FZD3: variants seen among roughly 807,000 people sequenced by gnomAD.
The protein encoded by FZD3 is frizzled-3.
In FZD3, 30 loss-of-function variants were observed where a neutral mutation model predicts 60.7. The observed-to-expected ratio is 0.49, with a 90% confidence interval of 0.37 to 0.67. FZD3 has a LOEUF of 0.67. FZD3 is among the 30% of genes least tolerant of loss of function. FZD3 has a pLI of 0.00. For missense variants in FZD3, 605 were observed against 838.7 expected (o/e 0.72, Z 3.44); for synonymous variants, 246 against 275.2 (o/e 0.89, Z 1.05).
intron 7 of FZD3, among the ~76,000 whole-genome samples, chr8:28,557,388 A>T (rs1323633340): frequency 6.6e-6 from 1 of 151,716 alleles, no homozygotes; most frequent in African/African-American, 2.4e-5. Context: ...TGTTCACTTG[A>T]AAACATCTGT....
intron 5 of FZD3, among the ~76,000 whole-genome samples, chr8:28,528,430 A>T (rs1031574193): frequency 1.8e-4 from 27 of 151,108 alleles, no homozygotes; most frequent in African/African-American, 6.1e-4. Flanking sequence ...TTTTTTTTCC[A>T]GAAGTGTGCA....
chr8:28,523,154 T>C (rs1804629309), intron 4 of FZD3, among the ~76,000 whole-genome samples: 1 of 152,194 alleles, frequency 6.6e-6, no homozygotes, highest in Non-Finnish European at 1.5e-5. Flanking sequence ...CTTGGTTCAT[T>C]TGTGCTGCTA....
intron 1 of FZD3, among the ~76,000 whole-genome samples, chr8:28,499,572 T>G (rs1053351913): frequency 2.6e-5 from 4 of 152,164 alleles, no homozygotes; most frequent in African/African-American, 9.7e-5. Context: ...TAAGGGCTTT[T>G]GATATAAGTA....
intron 6 of FZD3, among the ~76,000 whole-genome samples, chr8:28,554,502 T>G (rs1288948581): frequency 6.6e-6 from 1 of 152,212 alleles, no homozygotes; most frequent in Non-Finnish European, 1.5e-5. Flanking sequence ...GATTAGCCTC[T>G]AAGACTTTAA....
At position 28,520,832 on chromosome 8, in the gene FZD3, T is replaced by A; in HGVS notation, c.384T>A (p.Ser128Arg). 1 of 1,572,974 alleles carries A rather than the reference T, an allele frequency of 6.4e-7. No individual in the cohort carries two copies. The highest frequency in any genetic ancestry group is 8.7e-7 in the Non-Finnish European group (1 of 1,154,162). ...CTTGGCCTGAAGATATGGAATGCAG[T>A]AGGTGCGAAAATCATAGATTTTCAT... Reference protein sequence around the residue: ...GVPWPEDMECSRFPDCDEPYP... With the variant: ...GVPWPEDMECRRFPDCDEPYP... The change falls in exon 4 of 8, where the codon AGT becomes AGA. Residue 128 changes from serine to arginine, a missense_variant and splice_region_variant. Transcript: ENST00000240093.
chr8:28,529,522 G>T lies in FZD3; in HGVS notation c.1404+1358G>T, dbSNP rs552877034. Among the ~76,000 whole-genome samples, 4 of 152,214 alleles carry T rather than the reference G, an allele frequency of 2.6e-5. No homozygotes were observed. In the South Asian group the frequency reaches 8.3e-4, roughly 32 times the overall value. ...ATATTGTGGGTATATTGCTTGAGAA[G>T]AGGGGACATTTTTAAGACATGGTAA... is the stretch of plus-strand genomic sequence containing the variant. On this transcript the variant is annotated intron_variant, in intron 5 of 7. Coordinates refer to ENST00000240093, the MANE Select transcript of FZD3 (RefSeq NM_017412.4).
At chr8:28,535,161 A>C (rs191277695) in intron 5 of FZD3, among the ~76,000 whole-genome samples, 10 of 152,338 alleles carry the variant, frequency 6.6e-5, no homozygotes, top group African/African-American at 2.2e-4. Flanking sequence ...AATTTGAAGA[A>C]AAATTGGCTG....
rs143267916 is a variant in FZD3, at chr8:28,535,288, G to A, written c.1404+7124G>A. Among the ~76,000 whole-genome samples the A allele has an allele frequency of 8.5e-5, 13 of 152,148 alleles. No individual in the cohort carries two copies. The East Asian group carries it at 2.5e-3, about 29-fold the overall frequency. ...ACAGTTTTAGATTGACAGAAAAATT[G>A]TGATGATAACACAGTGAGTTCCCAT... On this transcript the variant is annotated intron_variant, in intron 5 of 7. Transcript: ENST00000240093.
chr8:28,510,789 C>A lies in FZD3; in HGVS notation c.189+7587C>A, dbSNP rs576880055. On this transcript the variant is annotated intron_variant, in intron 3 of 7. Transcript: ENST00000240093. ...CGGTGGCTCAGGCCTATAATCTGAG[C>A]ACTTTGGGAGGCCGAGGCGGGCGGA... Among the ~76,000 whole-genome samples, 5 of 152,072 alleles carry A rather than the reference C, an allele frequency of 3.3e-5. No homozygotes were observed. In the South Asian group the frequency reaches 8.3e-4, roughly 25 times the overall value.
At chr8:28,522,224 C>T (rs1260679428) in intron 4 of FZD3, among the ~76,000 whole-genome samples, 1 of 150,594 alleles carries the variant, frequency 6.6e-6, no homozygotes, top group Admixed American at 6.6e-5. Flanking sequence ...CCTGCCTTAG[C>T]CTCATGGATA....
chr8:28,530,735 G>C (rs989237529), intron 5 of FZD3, among the ~76,000 whole-genome samples: 3 of 151,926 alleles, frequency 2.0e-5, no homozygotes, highest in Admixed American at 6.6e-5. Flanking sequence ...AACCATCATC[G>C]TGAATTTGGA....
chr8:28,531,309 T>G (rs995088904), intron 5 of FZD3, among the ~76,000 whole-genome samples: 1 of 152,204 alleles, frequency 6.6e-6, no homozygotes, highest in Non-Finnish European at 1.5e-5. Flanking sequence ...TTTTATGTTT[T>G]TGAGAATATA....
rs981243562 is a variant in FZD3 at position 28,568,775 on chromosome 8, G to T, written c.*5764G>T. 1 of 152,094 alleles carries T rather than the reference G, an allele frequency of 6.6e-6. No homozygotes were observed. Among genetic ancestry groups the T allele is most frequent in the Non-Finnish European group, 1.5e-5 (1 of 67,974 alleles). 9.4% of individuals were successfully genotyped at this position (152,094 alleles called of 1,614,324 possible). A position where few individuals can be genotyped will look rare whatever the true frequency, so the allele number is the denominator to read the frequency against. On this transcript the variant is annotated 3_prime_UTR_variant, in exon 8 of 8. Coordinates refer to ENST00000240093, the MANE Select transcript of FZD3 (RefSeq NM_017412.4). ...TACTTACTTCCTATAAGACACAGTA[G>T]TTCAATCTGTTGAAAGGCATTGAAG...
intron 1 of FZD3, among the ~76,000 whole-genome samples, chr8:28,497,888 A>G (rs1310342484): frequency 6.6e-6 from 1 of 152,188 alleles, no homozygotes; most frequent in Non-Finnish European, 1.5e-5. Flanking sequence ...CAGCCCGGGA[A>G]GACAGTCTTC....
chr8:28,509,627 G>A (rs574439421), intron 3 of FZD3, among the ~76,000 whole-genome samples: 40 of 151,932 alleles, frequency 2.6e-4, no homozygotes, highest in African/African-American at 9.7e-4. Flanking sequence ...GGCAACTACC[G>A]TTTTACTTTC....
intron 3 of FZD3, among the ~76,000 whole-genome samples, chr8:28,519,541 G>A (rs961228714): frequency 6.6e-6 from 1 of 151,916 alleles, no homozygotes; most frequent in African/African-American, 2.4e-5. Context: ...ACCAGCCTAG[G>A]CAACATGGCG....
At chr8:28,532,343 T>A (rs1283568251) in intron 5 of FZD3, among the ~76,000 whole-genome samples, 1 of 152,216 alleles carries the variant, frequency 6.6e-6, no homozygotes, top group East Asian at 1.9e-4. Context: ...ACATTGCCAT[T>A]TTTGCAATAC....
chr8:28,551,165 CATA>C (rs1805403291), intron 5 of FZD3, among the ~76,000 whole-genome samples: 1 of 152,080 alleles, frequency 6.6e-6, no homozygotes, highest in Non-Finnish European at 1.5e-5. Context: ...ATTTTTTCCA[CATA>C]AGAAAATTAC....
chr8:28,528,778 ACTTGTT>A (rs1157615903), intron 5 of FZD3, among the ~76,000 whole-genome samples: 2 of 152,148 alleles, frequency 1.3e-5, no homozygotes, highest in African/African-American at 2.4e-5. Flanking sequence ...ATGTTAAGTG[ACTTGTT>A]CTTGAGTAGT....
Sources: allele counts gnomAD v4.1 joint callset (sites outside exome capture counted in the v4.1 genomes callset), GRCh38; gene constraint gnomAD v4.1.1; transcripts MANE v1.5; gene names NCBI Gene and HGNC (gene_info 2026-07-23, HGNC 2026-07-21).